Variants in RALGPS1 observed in about 807,000 individuals in gnomAD.
The protein encoded by RALGPS1 is ras-specific guanine nucleotide-releasing factor RalGPS1.
In RALGPS1, 19 loss-of-function variants were observed where a neutral mutation model predicts 78.8. The observed-to-expected ratio is 0.24, with a 90% CI of 0.17 to 0.35. The LOEUF is 0.35. RALGPS1 is among the 10% of genes least tolerant of loss of function. RALGPS1 has a pLI of 1.00. For missense variants in RALGPS1, 454 were observed against 688.3 expected (o/e 0.66, Z 3.81); for synonymous variants, 228 against 256.3 (o/e 0.89, Z 1.06).
intron 6 of RALGPS1, among the ~76,000 whole-genome samples, chr9:127,050,815 G>A (rs1447627144): frequency 2.6e-5 from 4 of 152,156 alleles, no homozygotes; most frequent in African/African-American, 2.4e-5. Flanking sequence ...CCGCAGCATC[G>A]TGCTGGCTGT....
intron 4 of RALGPS1, among the ~76,000 whole-genome samples, chr9:126,996,874 C>T (rs1346489978): frequency 6.6e-6 from 1 of 151,870 alleles, no homozygotes; most frequent in Non-Finnish European, 1.5e-5. Flanking sequence ...AAGGCTGGTT[C>T]AACATACACA....
chr9:127,092,095 C>G (rs559736280), intron 8 of RALGPS1, among the ~76,000 whole-genome samples: 2 of 152,300 alleles, frequency 1.3e-5, no homozygotes, highest in East Asian at 3.9e-4. Context: ...CTCTTAATCT[C>G]TCCATGACTC....
intron 14 of RALGPS1, among the ~76,000 whole-genome samples, chr9:127,202,895 G>A (rs2061716717): frequency 6.6e-6 from 1 of 152,154 alleles, no homozygotes; most frequent in South Asian, 2.1e-4. Context: ...GGGAGGTGGG[G>A]AGGCGGCCGC....
intron 8 of RALGPS1, among the ~76,000 whole-genome samples, chr9:127,139,668 C>T (rs546921287): frequency 4.6e-5 from 7 of 152,328 alleles, no homozygotes; most frequent in African/African-American, 1.7e-4. Flanking sequence ...GGCCCTCATC[C>T]CAGTCACCAC....
chr9:127,200,542 G>C (rs2061577869), intron 14 of RALGPS1, among the ~76,000 whole-genome samples: 1 of 152,240 alleles, frequency 6.6e-6, no homozygotes, highest in South Asian at 2.1e-4. Flanking sequence ...CAGATACGGG[G>C]ACTGTCCCAT....
rs186469217 is a variant in RALGPS1, at chr9:127,107,308, C to T, written c.610+37952C>T. ...CCTGCCAGCAATCCCATTCCTCCCC[C>T]ATAACGGTATTCGGAGAATTGCTGT... On this transcript the variant is annotated intron_variant, in intron 8 of 18. Coordinates refer to ENST00000259351, the MANE Select transcript of RALGPS1 (RefSeq NM_014636.3). 3.9e-5 allele frequency among the ~76,000 whole-genome samples: 6 copies of T among 152,316 alleles called. No individual in the cohort carries two copies. In the East Asian group the frequency reaches 7.7e-4, roughly 20 times the overall value.
At chr9:127,123,819 C>T (rs1012211756) in intron 8 of RALGPS1, among the ~76,000 whole-genome samples, 4 of 152,046 alleles carry the variant, frequency 2.6e-5, no homozygotes, top group African/African-American at 9.7e-5. Flanking sequence ...GGGCACCCTG[C>T]GGGGATACAG....
chr9:127,065,218 A>G (rs1195707409), intron 7 of RALGPS1, among the ~76,000 whole-genome samples: 1 of 152,114 alleles, frequency 6.6e-6, no homozygotes. Context: ...GGTTCAAGGA[A>G]TTCTCCTGCC....
chr9:127,208,166 C>T (rs761755287), intron 14 of RALGPS1, among the ~76,000 whole-genome samples: 1 of 152,272 alleles, frequency 6.6e-6, no homozygotes, highest in Non-Finnish European at 1.5e-5. Flanking sequence ...CAGGAGACTG[C>T]TCCACTGGGG....
chr9:127,052,099 G>A (rs888929264), intron 6 of RALGPS1, among the ~76,000 whole-genome samples: 2 of 152,184 alleles, frequency 1.3e-5, no homozygotes, highest in Non-Finnish European at 2.9e-5. Context: ...GGCTCAGAAG[G>A]ATTAGGACAC....
intron 5 of RALGPS1, among the ~76,000 whole-genome samples, chr9:127,045,303 T>C (rs1442273603): frequency 6.6e-6 from 1 of 152,238 alleles, no homozygotes; most frequent in Non-Finnish European, 1.5e-5. Flanking sequence ...TATAAATGTA[T>C]GAACAACCTC....
intron 4 of RALGPS1, among the ~76,000 whole-genome samples, chr9:127,023,787 G>C (rs981720343): frequency 3.9e-5 from 6 of 152,174 alleles, no homozygotes; most frequent in Admixed American, 3.9e-4. Flanking sequence ...TGTAATCCCA[G>C]CACTTTGGGA....
intron 1 of RALGPS1, among the ~76,000 whole-genome samples, chr9:126,943,004 A>G (rs191954329): frequency 2.0e-5 from 3 of 152,128 alleles, no homozygotes; most frequent in Non-Finnish European, 4.4e-5. Context: ...GAAATTGTTG[A>G]TTTTATAGCT....
At chr9:127,074,703 G>A (rs955856195) in intron 8 of RALGPS1, among the ~76,000 whole-genome samples, 1 of 152,232 alleles carries the variant, frequency 6.6e-6, no homozygotes, top group Non-Finnish European at 1.5e-5. Context: ...CACTGAATGC[G>A]CACAATAGCC....
intron 8 of RALGPS1, chr9:127,108,218 G>T (rs748996232): frequency 3.1e-6 from 5 of 1,614,004 alleles, no homozygotes; most frequent in Non-Finnish European, 1.7e-6. Context: ...TTGCTGGCCA[G>T]CTGCAGCATG....
In RALGPS1 at chr9:126,989,954, A is replaced by G. The variant is rs1051592405; in HGVS notation, c.216+12209A>G. 3.2e-5 allele frequency: 49 copies of G among 1,550,440 alleles called. No individual in the cohort carries two copies. In the Middle Eastern group the frequency reaches 5.0e-4, roughly 16 times the overall value. On this transcript the variant is annotated intron_variant, in intron 4 of 18. Coordinates refer to ENST00000259351, the MANE Select transcript of RALGPS1 (RefSeq NM_014636.3). ...AAGTCCACAGTTTCCTCCAGGCCAC[A>G]TGACACGTTGCAGTTCAGGAAAACA...
intron 1 of RALGPS1, among the ~76,000 whole-genome samples, chr9:126,937,786 C>T (rs1004791775): frequency 6.6e-6 from 1 of 152,152 alleles, no homozygotes; most frequent in Non-Finnish European, 1.5e-5. Context: ...AGCTTAGCCA[C>T]ACTGAGGTGT....
intron 4 of RALGPS1, among the ~76,000 whole-genome samples, chr9:127,000,899 G>C (rs1260476456): frequency 6.6e-6 from 1 of 151,434 alleles, no homozygotes; most frequent in Admixed American, 6.6e-5. Flanking sequence ...AACATACTTT[G>C]TATGACTTAA....
intron 2 of RALGPS1, among the ~76,000 whole-genome samples, chr9:126,962,925 C>G (rs2039044999): frequency 6.6e-6 from 1 of 152,208 alleles, no homozygotes; most frequent in African/African-American, 2.4e-5. Context: ...GACAGATTGG[C>G]AAGGCCATAC....
Sources: allele counts gnomAD v4.1 joint callset (sites outside exome capture counted in the v4.1 genomes callset), GRCh38; gene constraint gnomAD v4.1.1; transcripts MANE v1.5; gene names NCBI Gene and HGNC (gene_info 2026-07-23, HGNC 2026-07-21).